The following ARHGAP26 variants were observed in gnomAD, a reference collection of about 807,000 sequenced individuals.
The protein encoded by ARHGAP26 is rho GTPase-activating protein 26.
A neutral mutation model predicts 104.8 loss-of-function variants in ARHGAP26; 38 were observed. The ratio of observed to expected loss-of-function variants is 0.36; its 90% confidence interval spans 0.28 to 0.48. The LOEUF (loss-of-function observed/expected upper bound fraction) is 0.48. Ranked by LOEUF, ARHGAP26 falls within the 20% of genes least tolerant of loss-of-function variation. The pLI is 0.99. For missense variants in ARHGAP26, 704 were observed against 947.9 expected (o/e 0.74, Z 3.38); for synonymous variants, 341 against 340.0 (o/e 1.00, Z -0.03).
chr5:142,994,952 G>A, intron 11 of ARHGAP26, among the ~76,000 whole-genome samples: 1 of 152,206 alleles, frequency 6.6e-6, no homozygotes, highest in Middle Eastern at 3.2e-3. Context: ...AATAAATGGT[G>A]TTGGGAAAAC....
At chr5:142,999,345 T>C (rs2152778812) in intron 11 of ARHGAP26, among the ~76,000 whole-genome samples, 1 of 152,228 alleles carries the variant, frequency 6.6e-6, no homozygotes, top group South Asian at 2.1e-4. Context: ...CTTGTCCTTT[T>C]AGCTGAGGGG....
At chr5:143,105,422 T>TAAAA (rs1322554255) in intron 17 of ARHGAP26, among the ~76,000 whole-genome samples, 1 of 150,678 alleles carries the variant, frequency 6.6e-6, no homozygotes, top group African/African-American at 2.5e-5. Flanking sequence ...AATAAATAAA[T>TAAAA]ATAAAAATAG....
At chr5:142,893,472 CTGTGTG>C (rs1208669206) in intron 5 of ARHGAP26, among the ~76,000 whole-genome samples, 4 of 152,090 alleles carry the variant, frequency 2.6e-5, no homozygotes, top group Non-Finnish European at 5.9e-5. Context: ...GAATAGCAGT[CTGTGTG>C]TGTGTATTTA....
intron 1 of ARHGAP26, among the ~76,000 whole-genome samples, chr5:142,856,893 T>C (rs530104528): frequency 6.6e-6 from 1 of 152,324 alleles, no homozygotes; most frequent in Admixed American, 6.5e-5. Context: ...GAGGGACAAC[T>C]GTACCATGAA....
At chr5:142,881,976 A>G (rs578152765) in intron 4 of ARHGAP26, among the ~76,000 whole-genome samples, 19 of 152,160 alleles carry the variant, frequency 1.2e-4, no homozygotes, top group African/African-American at 4.6e-4. Flanking sequence ...CTAATGTGCT[A>G]CTCTGGAGTA....
chr5:142,834,289 G>A (rs1769118079), intron 1 of ARHGAP26, among the ~76,000 whole-genome samples: 1 of 152,150 alleles, frequency 6.6e-6, no homozygotes, highest in Admixed American at 6.5e-5. Flanking sequence ...TTAGCATCCT[G>A]GAAAGCTCCA....
intron 10 of ARHGAP26, chr5:142,922,102 T>G: frequency 6.6e-6 from 1 of 152,218 alleles, no homozygotes; most frequent in South Asian, 2.1e-4. Flanking sequence ...AACCTGTTGT[T>G]GATACATGCT....
intron 20 of ARHGAP26, among the ~76,000 whole-genome samples, chr5:143,197,844 A>G (rs1378862465): frequency 6.6e-6 from 1 of 152,128 alleles, no homozygotes; most frequent in East Asian, 1.9e-4. Context: ...TTTTTTCCAT[A>G]TAGATATCCA....
At chr5:142,846,711 A>G (rs1772028605) in intron 1 of ARHGAP26, among the ~76,000 whole-genome samples, 1 of 152,192 alleles carries the variant, frequency 6.6e-6, no homozygotes, top group African/African-American at 2.4e-5. Flanking sequence ...GAGAATCTAT[A>G]TATAGGATGT....
chr5:143,198,061 A>G (rs1301316759), intron 20 of ARHGAP26, among the ~76,000 whole-genome samples: 1 of 152,220 alleles, frequency 6.6e-6, no homozygotes, highest in East Asian at 1.9e-4. Flanking sequence ...TCTAGCATTT[A>G]AACAGTGGCT....
intron 11 of ARHGAP26, 63 bp from the exon 12 acceptor site, chr5:143,014,017 C>G: frequency 6.5e-7 from 1 of 1,530,312 alleles, no homozygotes; most frequent in Non-Finnish European, 9.0e-7. Context: ...TAATGGTTTT[C>G]TACAGTGAAC....
At position 143,226,939 on chromosome 5, in the gene ARHGAP26, C is replaced by T. The variant is rs1028145841; in HGVS notation, c.*4493C>T. 5 of 227,484 alleles carry T rather than the reference C, an allele frequency of 2.2e-5. No individual in the cohort carries two copies. The highest frequency in any genetic ancestry group is 4.4e-5 in the Non-Finnish European group (5 of 114,548). The allele number at this position is 227,484 out of a possible 1,614,324, so 14.1% of individuals were successfully genotyped here. ...GCGGCTCAAAGGGAAGGCCTTCTAT[C>T]CCCTGAGTTTCTATCAGCTGAAAAT... On this transcript the variant is annotated 3_prime_UTR_variant, in exon 23 of 23. Transcript: ENST00000645722.
chr5:142,894,239 C>T lies in ARHGAP26; in HGVS notation c.488C>T (p.Ala163Val). ...TCTTAAATTCCATCTTGTTTGTAGG[C>T]AGACAGCCAAGTGGACCTGGTCCGG... ...SKKKESQLQE[A>V]DSQVDLVRQH... The change falls in exon 6 of 23, where the codon GCA (alanine) becomes GTA (valine). Residue 163 changes from alanine to valine, a missense_variant and splice_region_variant. Physicochemically the swap from Ala to Val is moderately conservative, Grantham distance 64. This residue lies in a region of ARHGAP26 where 106 missense variants were observed against 120.5 expected (regional missense o/e 0.88). Transcript: ENST00000645722. The T allele has an allele frequency of 6.2e-7, 1 of 1,613,444 alleles. No individual in the cohort carries two copies. Among genetic ancestry groups the T allele is most frequent in the Non-Finnish European group, 8.5e-7 (1 of 1,179,588 alleles).
At position 142,965,178 on chromosome 5, in the gene ARHGAP26, G is replaced by A. The variant is rs144849107; in HGVS notation, c.1107+33053G>A. On this transcript the variant is annotated intron_variant, in intron 11 of 22. Coordinates refer to ENST00000645722, the MANE Select transcript of ARHGAP26 (RefSeq NM_001135608.3). Reference sequence around the variant, plus strand: ...TGCTATCTAGAAGGCAGAGCCAGGTGTACAGGATGGAACATGAAGGCGGAC... The same window carrying A: ...TGCTATCTAGAAGGCAGAGCCAGGTATACAGGATGGAACATGAAGGCGGAC... 3.3e-3 allele frequency among the ~76,000 whole-genome samples: 503 copies of A among 152,296 alleles called. 1 individual carries two copies. Among genetic ancestry groups the A allele is most frequent in the African/African-American group, 0.011 (471 of 41,540 alleles).
chr5:143,082,598 C>G (rs1461468690), intron 17 of ARHGAP26, among the ~76,000 whole-genome samples: 1 of 152,208 alleles, frequency 6.6e-6, no homozygotes, highest in Admixed American at 6.5e-5. Flanking sequence ...TGCCCAAAGT[C>G]ACACTGCTAC....
intron 1 of ARHGAP26, among the ~76,000 whole-genome samples, chr5:142,854,454 G>T (rs774203312): frequency 6.6e-6 from 1 of 152,174 alleles, no homozygotes; most frequent in Non-Finnish European, 1.5e-5. Flanking sequence ...TGTCAGTTTT[G>T]TTCAGTGTCT....
chr5:142,975,154 A>G (rs1438639190), intron 11 of ARHGAP26, among the ~76,000 whole-genome samples: 1 of 152,214 alleles, frequency 6.6e-6, no homozygotes, highest in Non-Finnish European at 1.5e-5. Context: ...ATGATGGTAG[A>G]CTGAGCAAGG....
intron 12 of ARHGAP26, among the ~76,000 whole-genome samples, chr5:143,032,860 AAAG>A (rs1483455920): frequency 3.3e-5 from 5 of 152,218 alleles, no homozygotes; most frequent in Non-Finnish European, 5.9e-5. Context: ...TGTGTGTGAA[AAAG>A]AAGAGACAAA....
intron 6 of ARHGAP26, among the ~76,000 whole-genome samples, chr5:142,894,830 A>G (rs1407928751): frequency 1.3e-5 from 2 of 152,234 alleles, no homozygotes; most frequent in Non-Finnish European, 2.9e-5. Flanking sequence ...GATGCTATAT[A>G]AAGTTTCTCA....
Sources: allele counts gnomAD v4.1 joint callset (sites outside exome capture counted in the v4.1 genomes callset), GRCh38; gene constraint gnomAD v4.1.1; regional missense constraint gnomAD v4.1.1; transcripts MANE v1.5; gene names NCBI Gene and HGNC (gene_info 2026-07-23, HGNC 2026-07-21).